The following OPHN1 variants were observed in gnomAD, a reference collection of about 807,000 sequenced individuals.
OPHN1 encodes the protein oligophrenin-1.
Under a neutral mutation model 60.7 loss-of-function variants are expected in OPHN1, and 11 were observed. The ratio of observed to expected loss-of-function variants is 0.18; its 90% CI spans 0.11 to 0.30. The LOEUF is 0.30. Ranked by LOEUF, OPHN1 falls within the 10% of genes least tolerant of loss-of-function variation. OPHN1 has a pLI of 1.00. For synonymous variants in OPHN1, 226 were observed against 222.6 expected, an observed-to-expected ratio of 1.02 and a Z score of -0.14; for missense variants, 449 against 611.0, an observed-to-expected ratio of 0.73 and a Z score of 2.80.
intron 2 of OPHN1, among the ~76,000 whole-genome samples, chrX:68,377,978 T>C (rs2078570205): frequency 8.9e-6 from 1 of 112,096 alleles, no homozygotes; most frequent in South Asian, 3.7e-4. Flanking sequence ...ATGGTATTTC[T>C]AGTTCTAGAT....
At chrX:68,095,241 C>T (rs2077033945) in intron 19 of OPHN1, among the ~76,000 whole-genome samples, 1 of 111,567 alleles carries the variant, frequency 9.0e-6, no homozygotes, top group South Asian at 3.7e-4. Flanking sequence ...ATTGATTTAT[C>T]AATTTATCAC....
intron 12 of OPHN1, among the ~76,000 whole-genome samples, chrX:68,195,281 C>G (rs1460436188): frequency 9.0e-6 from 1 of 111,715 alleles, no homozygotes; most frequent in Non-Finnish European, 1.9e-5. Context: ...ACACCAATCT[C>G]CCACCCTCAA....
At chrX:68,058,833 A>T (rs992341139) in intron 21 of OPHN1, among the ~76,000 whole-genome samples, 2 of 112,295 alleles carry the variant, frequency 1.8e-5, no homozygotes, top group Non-Finnish European at 3.8e-5. Context: ...AGCTGAACTA[A>T]CTAAGATCAA....
intron 19 of OPHN1, among the ~76,000 whole-genome samples, chrX:68,078,984 A>AAAATAAATAAAT (rs373187258): frequency 1.5e-3 from 152 of 102,030 alleles, no homozygotes; most frequent in East Asian, 8.0e-3. Context: ...AGACTGTCTC[A>AAAATAAATAAAT]AAATAAATAA....
At chrX:68,163,898 TA>T (rs1413519054) in intron 15 of OPHN1, among the ~76,000 whole-genome samples, 1 of 110,994 alleles carries the variant, frequency 9.0e-6, no homozygotes, top group South Asian at 3.7e-4. Flanking sequence ...GATGCTGAGG[TA>T]AAAAAAATCA....
At chrX:68,066,708 G>T (rs181555793) in intron 20 of OPHN1, among the ~76,000 whole-genome samples, 1 of 111,704 alleles carries the variant, frequency 9.0e-6, no homozygotes, top group Non-Finnish European at 1.9e-5. Context: ...CTATAAAGTA[G>T]TACATTGTTA....
intron 5 of OPHN1, among the ~76,000 whole-genome samples, chrX:68,262,783 G>A (rs1001928075): frequency 2.7e-5 from 3 of 110,299 alleles, no homozygotes; most frequent in East Asian, 2.9e-4. Context: ...GCGAAAGTCC[G>A]ACAGAACGGA....
chrX:68,213,266 G>A (rs989390804), intron 7 of OPHN1, among the ~76,000 whole-genome samples: 4 of 111,537 alleles, frequency 3.6e-5, no homozygotes, highest in African/African-American at 1.3e-4. Context: ...AGTTACTCAG[G>A]AGGCTGAGGT....
intron 15 of OPHN1, among the ~76,000 whole-genome samples, chrX:68,170,386 G>T (rs1230277268): frequency 9.3e-6 from 1 of 107,415 alleles, no homozygotes; most frequent in Non-Finnish European, 1.9e-5. Context: ...ATTCCTCAGG[G>T]ATCTAGAACT....
chrX:68,159,141 G>C (rs1437956140), intron 15 of OPHN1, among the ~76,000 whole-genome samples: 4 of 111,868 alleles, frequency 3.6e-5, no homozygotes, highest in Non-Finnish European at 7.5e-5. Context: ...CTCTAGAAGG[G>C]AACTGATTTT....
chrX:68,154,439 A>G (rs1481535985), intron 15 of OPHN1, among the ~76,000 whole-genome samples: 1 of 112,742 alleles, frequency 8.9e-6, no homozygotes, highest in African/African-American at 3.2e-5. Context: ...TGATAAGCAA[A>G]TATGTTAATA....
intron 3 of OPHN1, among the ~76,000 whole-genome samples, chrX:68,287,154 A>G (rs1235973760): frequency 1.1e-5 from 1 of 87,481 alleles, no homozygotes; most frequent in Non-Finnish European, 2.3e-5. Flanking sequence ...AGGAAGAAAG[A>G]AGGAAAGAAA....
intron 2 of OPHN1, among the ~76,000 whole-genome samples, chrX:68,399,814 TC>T (rs1460834643): frequency 1.1e-5 from 1 of 93,229 alleles, no homozygotes; most frequent in East Asian, 3.8e-4. Context: ...TGTTTTAGTT[TC>T]TTTTTTTTTC....
At chrX:68,059,102 G>T (rs1190804700) in intron 21 of OPHN1, among the ~76,000 whole-genome samples, 2 of 111,846 alleles carry the variant, frequency 1.8e-5, no homozygotes. Flanking sequence ...TAACCACTAA[G>T]TCACTTGAGC....
intron 19 of OPHN1, among the ~76,000 whole-genome samples, chrX:68,077,668 T>C (rs938688034): frequency 1.8e-5 from 2 of 112,310 alleles, no homozygotes; most frequent in Admixed American, 1.9e-4. Flanking sequence ...AGCATACACA[T>C]TAAATTGTTA....
At chrX:68,424,197 A>T (rs1485738440) in intron 2 of OPHN1, among the ~76,000 whole-genome samples, 1 of 18,879 alleles carries the variant, frequency 5.3e-5, no homozygotes, top group Non-Finnish European at 5.5e-4. Context: ...AATAAAAATA[A>T]AAAAAAAATC....
intron 2 of OPHN1, among the ~76,000 whole-genome samples, chrX:68,318,176 AC>A (rs760091616): frequency 4.9e-4 from 55 of 111,713 alleles, no homozygotes; most frequent in South Asian, 1.5e-3. Context: ...TTTACAATGA[AC>A]CCCCCCAAAA....
At chrX:68,410,318 C>G (rs1240541790) in intron 2 of OPHN1, among the ~76,000 whole-genome samples, 1 of 110,841 alleles carries the variant, frequency 9.0e-6, no homozygotes, top group Non-Finnish European at 1.9e-5. Flanking sequence ...TGGTGATGGT[C>G]CAGGCTCTGC....
At chrX:68,226,889 T>A (rs747893288) in intron 6 of OPHN1, among the ~76,000 whole-genome samples, 1 of 111,456 alleles carries the variant, frequency 9.0e-6, no homozygotes, top group Non-Finnish European at 1.9e-5. Context: ...AATATTAACC[T>A]TAAATGTAAA....
Sources: allele counts gnomAD v4.1 joint callset (sites outside exome capture counted in the v4.1 genomes callset), GRCh38; gene constraint gnomAD v4.1.1; transcripts MANE v1.5; gene names NCBI Gene and HGNC (gene_info 2026-07-23, HGNC 2026-07-21).